NEK1: variants seen among roughly 807,000 people sequenced by gnomAD.
The protein encoded by NEK1 is NIMA related kinase 1, also known as serine/threonine-protein kinase Nek1.
A neutral mutation model predicts 182.1 loss-of-function variants in NEK1; 137 were observed. That is an observed-to-expected ratio of 0.75 (90% CI 0.65 to 0.87). The LOEUF (loss-of-function observed/expected upper bound fraction) is 0.87. Ranked by LOEUF, NEK1 falls within the 40% of genes least tolerant of loss-of-function variation. The pLI is 0.00. For synonymous variants in NEK1, 513 were observed against 492.2 expected, an observed-to-expected ratio of 1.04 and a Z score of -0.56; for missense variants, 1,391 against 1,494.4, an observed-to-expected ratio of 0.93 and a Z score of 1.14.
intron 26 of NEK1, among the ~76,000 whole-genome samples, chr4:169,473,414 C>T (rs1746382130): frequency 6.6e-6 from 1 of 152,034 alleles, no homozygotes; most frequent in African/African-American, 2.4e-5. Flanking sequence ...ATACCAATTA[C>T]CTATTGGGGT....
chr4:169,508,136 TGTC>T (rs1753609084), intron 21 of NEK1, 109 bp downstream of exon 21: 8 of 891,566 alleles, frequency 9.0e-6, no homozygotes, highest in South Asian at 1.7e-5. Context: ...GAACTTCCAC[TGTC>T]GTCATCAGTT....
intron 18 of NEK1, among the ~76,000 whole-genome samples, chr4:169,549,089 C>T (rs1761009593): frequency 6.6e-6 from 1 of 152,200 alleles, no homozygotes; most frequent in South Asian, 2.1e-4. Flanking sequence ...AACCCAGGGC[C>T]CTGGTGGCAT....
chr4:169,475,772 T>G (rs998535685), intron 26 of NEK1, among the ~76,000 whole-genome samples: 2 of 152,082 alleles, frequency 1.3e-5, no homozygotes, highest in African/African-American at 2.4e-5. Context: ...AACAACTCCT[T>G]AAACTTCTGG....
chr4:169,560,000 A>G (rs1221250552), intron 16 of NEK1, among the ~76,000 whole-genome samples: 1 of 152,200 alleles, frequency 6.6e-6, no homozygotes, highest in East Asian at 1.9e-4. Context: ...CAAGAGCGAA[A>G]CTCCATCTCA....
At chr4:169,468,976 A>G (rs1579937673) in intron 26 of NEK1, among the ~76,000 whole-genome samples, 3 of 152,040 alleles carry the variant, frequency 2.0e-5, no homozygotes, top group African/African-American at 7.2e-5. Context: ...CCCCTTTATC[A>G]TTTTTTATTG....
At chr4:169,401,574 C>A (rs765506801) in intron 33 of NEK1, 78 bp downstream of exon 33, 15 of 1,280,860 alleles carry the variant, frequency 1.2e-5, no homozygotes, top group Middle Eastern at 1.9e-4. Context: ...TGGTTCACAG[C>A]AGAGATTAGA....
At chr4:169,563,370 A>T (rs901343236) in intron 12 of NEK1, among the ~76,000 whole-genome samples, 102 of 151,372 alleles carry the variant, frequency 6.7e-4, no homozygotes, top group African/African-American at 2.4e-3. Context: ...AAAAAAAATA[A>T]AAATAAAAAA....
At chr4:169,496,780 T>C (rs1751388654) in intron 23 of NEK1, among the ~76,000 whole-genome samples, 1 of 152,242 alleles carries the variant, frequency 6.6e-6, no homozygotes, top group East Asian at 1.9e-4. Flanking sequence ...GATAAGCTTT[T>C]TGATGTGCTG....
intron 5 of NEK1, among the ~76,000 whole-genome samples, chr4:169,591,364 C>A (rs1056480262): frequency 5.3e-5 from 8 of 151,978 alleles, no homozygotes; most frequent in Non-Finnish European, 1.0e-4. Context: ...GTTGCCCAGG[C>A]TAGTGGTCTT....
chr4:169,455,884 C>T (rs537167120), intron 27 of NEK1, among the ~76,000 whole-genome samples: 2 of 152,330 alleles, frequency 1.3e-5, no homozygotes, highest in South Asian at 4.1e-4. Context: ...ATCTACAGAA[C>T]ATTTCATCTA....
chr4:169,454,219 T>C (rs939561043), intron 27 of NEK1, among the ~76,000 whole-genome samples: 6 of 152,160 alleles, frequency 3.9e-5, no homozygotes, highest in Non-Finnish European at 5.9e-5. Flanking sequence ...CCTAAAACCA[T>C]AGAAACCCTA....
At chr4:169,553,570 A>T (rs1465070069) in intron 18 of NEK1, among the ~76,000 whole-genome samples, 2 of 152,214 alleles carry the variant, frequency 1.3e-5, no homozygotes, top group African/African-American at 4.8e-5. Context: ...GAATGAGAAG[A>T]TGAGCCACAA....
chr4:169,532,902 T>G (rs1757901410), intron 19 of NEK1, among the ~76,000 whole-genome samples: 1 of 139,726 alleles, frequency 7.2e-6, no homozygotes, highest in Non-Finnish European at 1.6e-5. Context: ...AGTCAGGGAG[T>G]GAGTGAGTCC....
rs879860390 is a variant in NEK1 at position 169,473,733 on chromosome 4, AAGAG to A, written c.2434+3387_2434+3390del. On this transcript the variant is annotated intron_variant, in intron 26 of 35. Transcript: ENST00000507142. ...AACACCATCTCTCCAAAAAATACGA[AAGAG>A]AGAGAGAGAGAGGTCTACTATTAAT... 1.5e-4 allele frequency among the ~76,000 whole-genome samples: 23 copies of A among 150,956 alleles called. No individual in the cohort carries two copies. The South Asian group carries it at 2.5e-3, about 17-fold the overall frequency.
chr4:169,521,360 C>A (rs1034585264), intron 19 of NEK1, among the ~76,000 whole-genome samples: 1 of 132,082 alleles, frequency 7.6e-6, no homozygotes. Context: ...CGCCCTGCTT[C>A]GGCTCGCGCA....
At chr4:169,450,284 A>G (rs1203069888) in intron 27 of NEK1, among the ~76,000 whole-genome samples, 1 of 152,204 alleles carries the variant, frequency 6.6e-6, no homozygotes, top group Non-Finnish European at 1.5e-5. Context: ...AACTTCCCCA[A>G]CCTGGCAAGG....
At chr4:169,554,971 GT>G (rs1761962980) in intron 18 of NEK1, 1 of 152,086 alleles carries the variant, frequency 6.6e-6, no homozygotes, top group African/African-American at 2.4e-5. Context: ...TAAAAATAAA[GT>G]TTACTAATTA....
chr4:169,531,058 T>G lies in NEK1; in HGVS notation c.1665+6751A>C, dbSNP rs367612097. On this transcript the variant is annotated intron_variant, in intron 19 of 35. Transcript: ENST00000507142. ...AGTGAGAAAATAGCAAGGACAGAGCTGCAGAGAATATTGGCATTTAAAGAC... is the reference window on the plus strand; with the variant it reads ...AGTGAGAAAATAGCAAGGACAGAGCGGCAGAGAATATTGGCATTTAAAGAC... Among the ~76,000 whole-genome samples, 7 of 151,716 alleles carry G rather than the reference T, an allele frequency of 4.6e-5. No individual in the cohort carries two copies. The East Asian group carries it at 7.7e-4, about 17-fold the overall frequency.
intron 5 of NEK1, among the ~76,000 whole-genome samples, 191 bp from the exon 6 acceptor site, chr4:169,591,000 A>G (rs1401080310): frequency 6.6e-6 from 1 of 152,240 alleles, no homozygotes; most frequent in Non-Finnish European, 1.5e-5. Flanking sequence ...CCAAAATGTA[A>G]GAGATGTTAC....
Sources: allele counts gnomAD v4.1 joint callset (sites outside exome capture counted in the v4.1 genomes callset), GRCh38; gene constraint gnomAD v4.1.1; transcripts MANE v1.5; gene names NCBI Gene and HGNC (gene_info 2026-07-23, HGNC 2026-07-21).